ANGEL2: variants seen among roughly 807,000 people sequenced by gnomAD.
ANGEL2 encodes the protein angel homolog 2.
A neutral mutation model predicts 66.0 loss-of-function variants in ANGEL2; 41 were observed. That is an observed-to-expected ratio of 0.62 (90% CI 0.48 to 0.81). ANGEL2 has a LOEUF of 0.81. Ranked by LOEUF, ANGEL2 falls within the 30% of genes least tolerant of loss-of-function variation. The pLI is 0.00. For synonymous variants in ANGEL2, 208 were observed against 226.5 expected, an observed-to-expected ratio of 0.92 and a Z score of 0.73; for missense variants, 561 against 641.6, an observed-to-expected ratio of 0.87 and a Z score of 1.36.
rs148141428 is a variant in ANGEL2 at position 213,005,198 on chromosome 1, C to T, written c.969G>A (p.Thr323=). The change falls in exon 5 of 9, where the codon ACG becomes ACA. Residue 323 remains threonine (T), a synonymous_variant. Coordinates refer to ENST00000366962, the MANE Select transcript of ANGEL2 (RefSeq NM_144567.5). The stretch of plus-strand genomic sequence containing the variant: ...TCTCTGCCAGTAGCATTGCCAATTG[C>T]GTCAGCTTAATATCACCTCGCCTTG... The part of the protein sequence containing the change: ...YNPRRGDIKL[T]QLAMLLAEIS... The T allele has an allele frequency of 5.8e-5, 93 of 1,614,202 alleles. No individual in the cohort carries two copies. The African/African-American group carries it at 1.1e-3, about 18-fold the overall frequency.
chr1:212,996,579 T>C (rs2076013747), intron 8 of ANGEL2, among the ~76,000 whole-genome samples: 1 of 131,078 alleles, frequency 7.6e-6, no homozygotes, highest in Non-Finnish European at 1.5e-5. Context: ...CCGAGAATCA[T>C]GCCACTGCAC....
Position 213,007,299 on chromosome 1 carries a change from C to T in ANGEL2, c.643-101G>A, listed in dbSNP as rs937979172. On this transcript the variant is annotated intron_variant, in intron 3 of 8. Transcript: ENST00000366962. Reference sequence around the variant, plus strand: ...ATCTAAAAGCAGGCTTCTAAAATTCCACACCTGATAAGAATTGAAATAAAA... The same window carrying T: ...ATCTAAAAGCAGGCTTCTAAAATTCTACACCTGATAAGAATTGAAATAAAA... 4 of 864,574 alleles carry T rather than the reference C, an allele frequency of 4.6e-6. No individual in the cohort carries two copies. In the African/African-American group the frequency reaches 6.9e-5, roughly 15 times the overall value. The allele number at this position is 864,574 out of a possible 1,614,324, so 53.6% of individuals were successfully genotyped here.
At chr1:213,000,252 A>G (rs967477820) in intron 7 of ANGEL2, 74 bp downstream of exon 7, 1 of 1,396,496 alleles carries the variant, frequency 7.2e-7, no homozygotes, top group African/African-American at 1.4e-5. Context: ...TTTTTTATCC[A>G]AGTGATTTTT....
chr1:213,009,124 T>G (rs553722584), intron 2 of ANGEL2, among the ~76,000 whole-genome samples: 2 of 152,384 alleles, frequency 1.3e-5, no homozygotes, highest in African/African-American at 4.8e-5. Flanking sequence ...AAATGATGGC[T>G]AACCAACAAA....
chr1:213,011,220 G>C (rs1460181603), intron 2 of ANGEL2: 7 of 1,289,320 alleles, frequency 5.4e-6, no homozygotes, highest in Non-Finnish European at 6.1e-6. Context: ...TCCATATCAG[G>C]AGGAACAAGG....
intron 2 of ANGEL2, 151 bp downstream of exon 2, chr1:213,012,942 G>T (rs2076545132): frequency 1.4e-6 from 1 of 689,738 alleles, no homozygotes; most frequent in East Asian, 2.8e-5. Flanking sequence ...ATTTAAGGAA[G>T]AATTCATTTT....
chr1:213,011,407 T>C, intron 2 of ANGEL2: 1 of 1,135,822 alleles, frequency 8.8e-7, no homozygotes, highest in Non-Finnish European at 1.1e-6. Flanking sequence ...TAGTGAAATA[T>C]CGGAAGTCAC....
intron 7 of ANGEL2, among the ~76,000 whole-genome samples, chr1:212,998,061 T>G (rs1017020124): frequency 1.5e-4 from 23 of 152,252 alleles, no homozygotes; most frequent in African/African-American, 5.5e-4. Flanking sequence ...CTAAGTTTTA[T>G]TAGCAACTTT....
intron 2 of ANGEL2, among the ~76,000 whole-genome samples, chr1:213,009,736 T>G (rs770229219): frequency 2.7e-4 from 41 of 152,324 alleles, no homozygotes; most frequent in Non-Finnish European, 2.4e-4. Context: ...TATTTAAAAA[T>G]GCCAATGAAG....
chr1:213,007,180 C>G lies in ANGEL2; in HGVS notation c.661G>C (p.Val221Leu), dbSNP rs1391705724. The G allele has an allele frequency of 6.3e-7, 1 of 1,579,256 alleles. No individual in the cohort carries two copies. Among genetic ancestry groups the G allele is most frequent in the Non-Finnish European group, 8.6e-7 (1 of 1,166,182 alleles). Reference sequence around the variant, plus strand: ...TCTGCTCCATAATGATCTTCTTGAACTTCTTGCAAACAAAGTACCTTGGAA... The same window carrying G: ...TCTGCTCCATAATGATCTTCTTGAAGTTCTTGCAAACAAAGTACCTTGGAA... ...FDADVLCLQE[V>L]QEDHYGAEIR... The change falls in exon 4 of 9, where the codon GTT (valine) becomes CTT (leucine). Residue 221 changes from valine to leucine, a missense_variant. Physicochemically the swap from Val to Leu is conservative, Grantham distance 32 (BLOSUM62 1). Coordinates refer to ENST00000366962, the MANE Select transcript of ANGEL2 (RefSeq NM_144567.5).
In ANGEL2 at chr1:213,015,863, T is replaced by G; in HGVS notation, c.-192A>C. On this transcript the variant is annotated 5_prime_UTR_variant, in exon 1 of 9. Coordinates refer to ENST00000366962, the MANE Select transcript of ANGEL2 (RefSeq NM_144567.5). The stretch of plus-strand genomic sequence containing the variant: ...CTCCATCTTGCGCAGTCAGAGTCCC[T>G]GAATGCCTTAACCCGGAATTCTGCT... 1 of 653,602 alleles carries G rather than the reference T, an allele frequency of 1.5e-6. No individual in the cohort carries two copies. Among genetic ancestry groups the G allele is most frequent in the Non-Finnish European group, 2.6e-6 (1 of 387,618 alleles). 40.5% of individuals were successfully genotyped at this position (653,602 alleles called of 1,614,324 possible). A position where few individuals can be genotyped will look rare whatever the true frequency, so the allele number is the denominator to read the frequency against.
chr1:212,995,255 T>A, intron 8 of ANGEL2, 63 bp from the exon 9 acceptor site: 1 of 1,449,468 alleles, frequency 6.9e-7, no homozygotes, highest in South Asian at 1.4e-5. Flanking sequence ...AAATTAATCA[T>A]ACAAGTCTTT....
intron 2 of ANGEL2, among the ~76,000 whole-genome samples, chr1:213,010,643 G>A (rs537107247): frequency 6.3e-4 from 95 of 151,834 alleles, no homozygotes; most frequent in African/African-American, 2.2e-3. Flanking sequence ...TGTCTATGAT[G>A]GTTTTAGCCA....
chr1:213,000,484 A>G (rs2076148051), intron 6 of ANGEL2, 101 bp from the exon 7 acceptor site: 1 of 1,040,368 alleles, frequency 9.6e-7, no homozygotes, highest in Non-Finnish European at 1.4e-6. Flanking sequence ...CTAGGTTAGA[A>G]AGATGCCTAG....
intron 7 of ANGEL2, among the ~76,000 whole-genome samples, chr1:212,999,181 T>C (rs1161372913): frequency 6.6e-6 from 1 of 152,196 alleles, no homozygotes; most frequent in Admixed American, 6.5e-5. Flanking sequence ...CAGAATGTTT[T>C]AATTTTTTTT....
At chr1:213,000,680 A>C in intron 6 of ANGEL2, 106 bp downstream of exon 6, 1 of 1,214,550 alleles carries the variant, frequency 8.2e-7, no homozygotes, top group Non-Finnish European at 1.1e-6. Context: ...ATTTATATAT[A>C]TGAATATTCA....
intron 1 of ANGEL2, chr1:213,015,373 T>C (rs1393613731): frequency 2.1e-6 from 3 of 1,410,930 alleles, no homozygotes; most frequent in Non-Finnish European, 2.8e-6. Context: ...CGGCGGCCCA[T>C]GAACTCCGCG....
At chr1:212,998,680 C>T (rs1381287129) in intron 7 of ANGEL2, among the ~76,000 whole-genome samples, 2 of 150,854 alleles carry the variant, frequency 1.3e-5, no homozygotes, top group Non-Finnish European at 3.0e-5. Flanking sequence ...CACCACCACA[C>T]CTAGCTAATT....
In ANGEL2 at chr1:213,013,158, T is replaced by C. The variant is rs765122913; in HGVS notation, c.320A>G (p.His107Arg). ...PDNLSQTSLIHLSSYVMNAEG... is the reference protein window; with the variant it reads ...PDNLSQTSLIRLSSYVMNAEG... ...AGCGTTCATGACGTAACTAGAGAGA[T>C]GAATCAAAGATGTCTGGCTCAGGTT... Residue 107 changes from histidine (H) to arginine (R), a missense_variant, in exon 2 of 9, where the codon CAT (histidine) becomes CGT (arginine). Transcript: ENST00000366962. The C allele has an allele frequency of 2.5e-6, 4 of 1,614,182 alleles. No individual in the cohort carries two copies. Among genetic ancestry groups the C allele is most frequent in the South Asian group, 2.2e-5 (2 of 91,082 alleles).
Sources: allele counts gnomAD v4.1 joint callset (sites outside exome capture counted in the v4.1 genomes callset), GRCh38; gene constraint gnomAD v4.1.1; transcripts MANE v1.5; gene names NCBI Gene and HGNC (gene_info 2026-07-23, HGNC 2026-07-21).